Variants in ERG observed in about 807,000 individuals in gnomAD.
ERG encodes ETS transcription factor ERG.
In ERG, 9 loss-of-function variants were observed where a neutral mutation model predicts 55.3. The observed-to-expected ratio is 0.16, with a 90% CI of 0.10 to 0.28. The LOEUF (loss-of-function observed/expected upper bound fraction) is 0.28, where lower values mean the gene tolerates loss of function less well. Among genes scored for constraint, ERG ranks in the 10% least tolerant of loss-of-function variants. The probability of loss-of-function intolerance (pLI) is 1.00; values close to 1 mark genes in which losing one functional copy is unlikely to be tolerated. For synonymous variants in ERG, 223 were observed against 237.3 expected, an observed-to-expected ratio of 0.94 and a Z score of 0.55; for missense variants, 434 against 631.6, an observed-to-expected ratio of 0.69 and a Z score of 3.35.
chr21:38,430,577 A>G (rs1990156598), intron 2 of ERG, among the ~76,000 whole-genome samples: 1 of 152,250 alleles, frequency 6.6e-6, no homozygotes, highest in African/African-American at 2.4e-5. Flanking sequence ...AAGAGTAAAC[A>G]GGAGCTGGGA....
chr21:38,486,014 AC>A (rs1431115388), intron 1 of ERG, among the ~76,000 whole-genome samples: 2 of 151,914 alleles, frequency 1.3e-5, no homozygotes, highest in Non-Finnish European at 2.9e-5. Flanking sequence ...GCTCACAGCA[AC>A]CTTTGCCTCC....
At chr21:38,415,252 T>C (rs111643411) in intron 3 of ERG, among the ~76,000 whole-genome samples, 1 of 152,192 alleles carries the variant, frequency 6.6e-6, no homozygotes, top group Non-Finnish European at 1.5e-5. Flanking sequence ...CGAGTGAGAA[T>C]GATAATGAGT....
intron 2 of ERG, among the ~76,000 whole-genome samples, chr21:38,505,345 C>A (rs2059452526): frequency 6.6e-6 from 1 of 152,162 alleles, no homozygotes; most frequent in Non-Finnish European, 1.5e-5. Context: ...TCATCCCTCG[C>A]CCCCTCTCCA....
intron 1 of ERG, among the ~76,000 whole-genome samples, chr21:38,480,288 T>C (rs1316810752): frequency 1.4e-4 from 21 of 151,982 alleles, no homozygotes; most frequent in Admixed American, 1.3e-3. Context: ...CCAGAAACCA[T>C]GGAAAGTGGA....
At chr21:38,589,227 C>A (rs536132522), upstream of ERG, among the ~76,000 whole-genome samples, 2 of 152,200 alleles carry the variant, frequency 1.3e-5, no homozygotes, top group South Asian at 2.1e-4. Flanking sequence ...CTGGACCCCA[C>A]GTGCGTGACA....
intron 2 of ERG, among the ~76,000 whole-genome samples, chr21:38,549,635 G>C (rs1319118135): frequency 6.6e-6 from 1 of 152,022 alleles, no homozygotes; most frequent in Non-Finnish European, 1.5e-5. Context: ...AGGCTTCTTT[G>C]GGTGCAAATA....
intron 2 of ERG, among the ~76,000 whole-genome samples, chr21:38,520,837 A>G (rs987261172): frequency 2.6e-5 from 4 of 152,230 alleles, no homozygotes; most frequent in African/African-American, 9.6e-5. Context: ...TTTACAGAGA[A>G]GAAGACTTGA....
Position 38,528,750 on chromosome 21 carries a change from T to C in ERG, c.-41+46912A>G, listed in dbSNP as rs965591778. 2.0e-5 allele frequency among the ~76,000 whole-genome samples: 3 copies of C among 151,854 alleles called. 1 individual carries two copies. The highest frequency in any genetic ancestry group is 7.3e-5 in the African/African-American group (3 of 41,346). On this transcript the variant is annotated intron_variant, in intron 2 of 8. Transcript: ENST00000398897. ...GGCGTGAGCCACCGCGCCCGGCCCA[T>C]AGCAAACTTTTGTAAACATAACTAT...
chr21:38,402,717 A>C, intron 4 of ERG, 80 bp from the exon 5 acceptor site: 1 of 781,350 alleles, frequency 1.3e-6, no homozygotes, highest in Non-Finnish European at 1.9e-6. Context: ...TCTTACAAAA[A>C]AAAAAAAAAA....
upstream of ERG, among the ~76,000 whole-genome samples, chr21:38,587,933 A>G (rs1189329491): frequency 6.6e-6 from 1 of 152,258 alleles, no homozygotes; most frequent in East Asian, 1.9e-4. Flanking sequence ...AGTCAAGCCC[A>G]GAGAGGATTC....
rs397867221 is a variant in ERG at position 38,477,007 on chromosome 21, C to CTTTTTT, written c.18+21350_18+21355dup. 1.2e-3 allele frequency among the ~76,000 whole-genome samples: 102 copies of CTTTTTT among 84,148 alleles called. 1 individual carries two copies. The highest frequency in any genetic ancestry group is 1.5e-3 in the Non-Finnish European group (71 of 47,358). The allele number at this position is 84,148 out of a possible 152,430, so 55.2% of individuals were successfully genotyped here. A position where few individuals can be genotyped will look rare whatever the true frequency, so the allele number is the denominator to read the frequency against. ...GATTCTTTTTTCTTTTCTTTCTTTC[C>CTTTTTT]TTTTTTTTTTTTTTTTTTTTTTTGA... On this transcript the variant is annotated intron_variant, in intron 1 of 9. Coordinates refer to ENST00000288319, the MANE Select transcript of ERG (RefSeq NM_182918.4).
intron 2 of ERG, among the ~76,000 whole-genome samples, chr21:38,568,305 G>A (rs957992216): frequency 9.9e-5 from 15 of 152,022 alleles, no homozygotes; most frequent in South Asian, 2.1e-4. Context: ...TTGACAATAC[G>A]TAATGTGATG....
chr21:38,394,324 T>A lies in ERG; in HGVS notation c.746-1880A>T, dbSNP rs550973214. Among the ~76,000 whole-genome samples, 7 of 152,166 alleles carry A rather than the reference T, an allele frequency of 4.6e-5. No individual in the cohort carries two copies. In the South Asian group the frequency reaches 1.5e-3, roughly 32 times the overall value. On this transcript the variant is annotated intron_variant, in intron 6 of 9. Coordinates refer to ENST00000288319, the MANE Select transcript of ERG (RefSeq NM_182918.4). Reference sequence around the variant, plus strand: ...GAAATGCAGAATCTTACCCCAGACCTACTGCATCAAAATCAGCATTTTGTT... The same window carrying A: ...GAAATGCAGAATCTTACCCCAGACCAACTGCATCAAAATCAGCATTTTGTT...
At position 38,594,386 on chromosome 21, in the gene ERG, C is replaced by G. The variant is rs188233962; in HGVS notation, c.-149-9441G>C. On this transcript the variant is annotated intron_variant, in intron 1 of 10. Coordinates refer to the ERG transcript ENST00000398910. ...CATGCCTCCCCGTTAACCCATGAAG[C>G]CTCATAGGTATGCACTGCATCTATA... Among the ~76,000 whole-genome samples, 1,455 of 152,334 alleles carry G rather than the reference C, an allele frequency of 9.6e-3. 11 individuals are homozygous for G. Among genetic ancestry groups the G allele is most frequent in the Non-Finnish European group, 0.016 (1,088 of 68,032 alleles).
chr21:38,660,196 T>A (rs576499647), intron 1 of ERG, among the ~76,000 whole-genome samples: 2 of 152,302 alleles, frequency 1.3e-5, no homozygotes, highest in South Asian at 4.1e-4. Flanking sequence ...TCAGCTTTTT[T>A]AGTTCAACCC....
At chr21:38,572,253 A>T (rs2146857142) in intron 2 of ERG, among the ~76,000 whole-genome samples, 1 of 151,036 alleles carries the variant, frequency 6.6e-6, no homozygotes, top group East Asian at 1.9e-4. Flanking sequence ...CTGTAGTCCC[A>T]GCTACTCAGG....
chr21:38,521,258 C>A (rs1568878899), intron 2 of ERG, among the ~76,000 whole-genome samples: 1 of 152,178 alleles, frequency 6.6e-6, no homozygotes, highest in Non-Finnish European at 1.5e-5. Context: ...GGCTACTACA[C>A]ACGGAGCCAA....
At chr21:38,536,362 G>C (rs2059710435) in intron 2 of ERG, among the ~76,000 whole-genome samples, 1 of 152,112 alleles carries the variant, frequency 6.6e-6, no homozygotes, top group Non-Finnish European at 1.5e-5. Context: ...GTGGTTTCAA[G>C]AAGAGTCATT....
intron 2 of ERG, among the ~76,000 whole-genome samples, chr21:38,547,630 A>G (rs1477087065): frequency 6.6e-6 from 1 of 152,208 alleles, no homozygotes; most frequent in South Asian, 2.1e-4. Context: ...TGATTCATGG[A>G]TGCTTTTTGT....
Sources: allele counts gnomAD v4.1 joint callset (sites outside exome capture counted in the v4.1 genomes callset), GRCh38; gene constraint gnomAD v4.1.1; transcripts MANE v1.5; gene names NCBI Gene and HGNC (gene_info 2026-07-23, HGNC 2026-07-21).